The following COL8A1 variants were observed in gnomAD, a reference collection of about 807,000 sequenced individuals.
The protein encoded by COL8A1 is collagen alpha-1(VIII) chain.
COL8A1 carries 21 observed loss-of-function variants against 42.7 expected under a neutral mutation model. The ratio of observed to expected loss-of-function variants is 0.49; its 90% confidence interval spans 0.35 to 0.71. COL8A1 has a LOEUF of 0.71. Ranked by LOEUF, COL8A1 falls within the 30% of genes least tolerant of loss-of-function variation. The pLI, the probability that COL8A1 is intolerant of heterozygous loss-of-function variation, is 0.01. For synonymous variants in COL8A1, 367 were observed against 369.1 expected (o/e 0.99, Z 0.06); for missense variants, 788 against 962.4 (o/e 0.82, Z 2.40).
At chr3:99,694,346 G>T (rs562799300) in intron 1 of COL8A1, among the ~76,000 whole-genome samples, 2 of 152,102 alleles carry the variant, frequency 1.3e-5, no homozygotes, top group African/African-American at 4.8e-5. Context: ...AGCTGGTCAT[G>T]GTGCCTGTAG....
chr3:99,774,199 T>G (rs1210461687), intron 2 of COL8A1, among the ~76,000 whole-genome samples: 1 of 151,224 alleles, frequency 6.6e-6, no homozygotes, highest in Non-Finnish European at 1.5e-5. Context: ...TGATGCTATT[T>G]GATTGTGTTA....
intron 2 of COL8A1, 149 bp from the exon 3 acceptor site, chr3:99,790,531 G>GTA: frequency 1.5e-6 from 1 of 654,066 alleles, no homozygotes; most frequent in Non-Finnish European, 2.6e-6. Flanking sequence ...TCTATAGAAA[G>GTA]TAGCATTTTC....
At chr3:99,732,835 T>C (rs547322743) in intron 1 of COL8A1, among the ~76,000 whole-genome samples, 1 of 152,248 alleles carries the variant, frequency 6.6e-6, no homozygotes, top group Non-Finnish European at 1.5e-5. Flanking sequence ...TATGAGCCTA[T>C]AAAATCAAAA....
chr3:99,754,893 C>CTG (rs1264688551), intron 2 of COL8A1, among the ~76,000 whole-genome samples: 2 of 152,172 alleles, frequency 1.3e-5, no homozygotes, highest in African/African-American at 4.8e-5. Flanking sequence ...TTCTTTGCAC[C>CTG]TGTATATGTG....
At chr3:99,696,298 T>C (rs1939363971) in intron 1 of COL8A1, among the ~76,000 whole-genome samples, 1 of 152,210 alleles carries the variant, frequency 6.6e-6, no homozygotes, top group African/African-American at 2.4e-5. Context: ...TGTAGCACTT[T>C]CCATTCCTGG....
intron 2 of COL8A1, among the ~76,000 whole-genome samples, chr3:99,747,988 T>C (rs1375780890): frequency 6.6e-6 from 1 of 152,232 alleles, no homozygotes; most frequent in Non-Finnish European, 1.5e-5. Context: ...ACAAAAGAGC[T>C]AATAATGCTT....
chr3:99,647,987 C>A (rs1913235), intron 1 of COL8A1, among the ~76,000 whole-genome samples: 48,209 of 151,942 alleles, frequency 0.32, 8,445 homozygotes, highest in African/African-American at 0.46. Context: ...CCTCTGCTTT[C>A]AGAAAATAAG....
intron 1 of COL8A1, among the ~76,000 whole-genome samples, chr3:99,722,260 T>C (rs1321514890): frequency 1.3e-5 from 2 of 152,034 alleles, no homozygotes; most frequent in Non-Finnish European, 2.9e-5. Context: ...ATAAGAGAGG[T>C]TGAGAATTAC....
In COL8A1 at chr3:99,795,297, CA is replaced by C; in HGVS notation, c.1401del (p.Gly468ValfsTer65). On this transcript the variant is annotated frameshift_variant, in exon 4 of 4. Coordinates refer to ENST00000652472, the MANE Select transcript of COL8A1 (RefSeq NM_020351.4). LOFTEE classifies it high-confidence loss of function. ...CATAGGGCCCAAGGGGGAAGCTGGG[CA>C]AAAAGGTGTACCAGGACTCCCTGGT... The part of the protein sequence containing the change: ...GPIGPKGEAG[Q>X]KGVPGLPGVP... 1 of 1,609,724 alleles carries C rather than the reference CA, an allele frequency of 6.2e-7. No homozygotes were observed. The highest frequency in any genetic ancestry group is 1.1e-5 in the South Asian group (1 of 90,476).
Position 99,770,132 on chromosome 3 carries a change from TG to T in COL8A1, c.-3-20543del, listed in dbSNP as rs147428961. The stretch of plus-strand genomic sequence containing the variant: ...AGGGTATGGTCTAGTGTTAATTAAC[TG>T]GGGGTAAATGGGAACTTAGCAAGGC... On this transcript the variant is annotated intron_variant, in intron 2 of 3. Coordinates refer to ENST00000652472, the MANE Select transcript of COL8A1 (RefSeq NM_020351.4). Among the ~76,000 whole-genome samples, 963 of 152,240 alleles carry T rather than the reference TG, an allele frequency of 6.3e-3. 12 individuals carry two copies. Among genetic ancestry groups the T allele is most frequent in the African/African-American group, 0.022 (925 of 41,530 alleles).
chr3:99,795,240 G>A lies in COL8A1; in HGVS notation c.1339G>A (p.Gly447Arg). Residue 447 changes from glycine to arginine, a missense_variant, in exon 4 of 4, where the codon GGG becomes AGG. Physicochemically the swap from Gly to Arg is moderately radical, Grantham distance 125. Coordinates refer to ENST00000652472, the MANE Select transcript of COL8A1 (RefSeq NM_020351.4). ...PGKPGFLGEV[G>R]PPGMRGLPGP... ...AAAGCCAGGTTTCCTTGGTGAAGTA[G>A]GGCCTCCTGGCATGAGGGGTTTGCC... The A allele has an allele frequency of 6.2e-7, 1 of 1,613,478 alleles. No homozygotes were observed. Among genetic ancestry groups the A allele is most frequent in the Non-Finnish European group, 8.5e-7 (1 of 1,179,670 alleles).
chr3:99,721,525 C>A (rs1050402866), intron 1 of COL8A1, among the ~76,000 whole-genome samples: 1 of 151,710 alleles, frequency 6.6e-6, no homozygotes, highest in East Asian at 1.9e-4. Context: ...GAGACAGGGA[C>A]CCTGGGGATG....
At chr3:99,739,648 C>T (rs1940841822) in intron 1 of COL8A1, among the ~76,000 whole-genome samples, 1 of 152,204 alleles carries the variant, frequency 6.6e-6, no homozygotes, top group African/African-American at 2.4e-5. Flanking sequence ...ACCTTGGCCC[C>T]TTTCAGCCAT....
Position 99,796,160 on chromosome 3 carries a change from A to G in COL8A1, c.*24A>G, listed in dbSNP as rs967825524. The stretch of plus-strand genomic sequence containing the variant: ...AAAAACAAAAAAACAAAAAACAAAG[A>G]AAAGAAAGAGATTTTATAGAAGAAA... On this transcript the variant is annotated 3_prime_UTR_variant, in exon 4 of 4. Transcript: ENST00000652472. 1.4e-6 allele frequency: 2 copies of G among 1,444,872 alleles called. No individual in the cohort carries two copies. Among genetic ancestry groups the G allele is most frequent in the African/African-American group, 1.4e-5 (1 of 70,852 alleles). 89.5% of individuals were successfully genotyped at this position (1,444,872 alleles called of 1,614,324 possible).
At chr3:99,735,702 A>G (rs1940686475) in intron 1 of COL8A1, among the ~76,000 whole-genome samples, 1 of 150,576 alleles carries the variant, frequency 6.6e-6, no homozygotes, top group East Asian at 2.0e-4. Flanking sequence ...TTTTCTATTG[A>G]TTGGAATAGT....
chr3:99,670,404 T>C (rs529418954), intron 1 of COL8A1, among the ~76,000 whole-genome samples: 4 of 152,180 alleles, frequency 2.6e-5, no homozygotes, highest in African/African-American at 9.6e-5. Flanking sequence ...TGAGTAAACA[T>C]ACTTGGAACC....
intron 1 of COL8A1, among the ~76,000 whole-genome samples, chr3:99,743,141 C>T (rs1193825786): frequency 4.6e-5 from 7 of 152,072 alleles, no homozygotes; most frequent in Admixed American, 4.6e-4. Flanking sequence ...AAGCAATTAC[C>T]TTTGTTGTAT....
intron 2 of COL8A1, among the ~76,000 whole-genome samples, 171 bp downstream of exon 2, chr3:99,745,192 T>C (rs1941000201): frequency 6.6e-6 from 1 of 152,128 alleles, no homozygotes; most frequent in African/African-American, 2.4e-5. Context: ...CTTGAGAACA[T>C]TGCTACTAAT....
chr3:99,648,748 G>A (rs532490071), intron 1 of COL8A1, among the ~76,000 whole-genome samples: 15 of 152,148 alleles, frequency 9.9e-5, no homozygotes, highest in South Asian at 4.2e-4. Context: ...AAGGCACTTC[G>A]GCACATTAAA....
Sources: allele counts gnomAD v4.1 joint callset (sites outside exome capture counted in the v4.1 genomes callset), GRCh38; gene constraint gnomAD v4.1.1; transcripts MANE v1.5; gene names NCBI Gene and HGNC (gene_info 2026-07-23, HGNC 2026-07-21).